The following ANKRD30B variants were observed in gnomAD, a reference collection of about 807,000 sequenced individuals.
The protein encoded by ANKRD30B is ankyrin repeat domain-containing protein 30B.
ANKRD30B carries 144 observed loss-of-function variants against 202.2 expected under a neutral mutation model. The observed-to-expected ratio is 0.71, with a 90% CI of 0.62 to 0.82. The LOEUF is 0.82. ANKRD30B is among the 40% of genes least tolerant of loss of function. The pLI, the probability that ANKRD30B is intolerant of heterozygous loss-of-function variation, is 0.00. For synonymous variants in ANKRD30B, 508 were observed against 561.3 expected (o/e 0.91, Z 1.34); for missense variants, 1,487 against 1,669.1 (o/e 0.89, Z 1.90).
chr18:14,791,537 T>G (rs1410283946), intron 16 of ANKRD30B, 46 bp downstream of exon 16: 2 of 1,442,594 alleles, frequency 1.4e-6, no homozygotes, highest in South Asian at 2.4e-5. Context: ...CAAATATTTA[T>G]CTAAACTGAT....
At chr18:14,868,290 G>T in the ANKRD30B span, among the ~76,000 whole-genome samples, 7 of 152,304 alleles carry the variant, frequency 4.6e-5, no homozygotes, top group African/African-American at 1.7e-4. Context: ...TGGTGGAGGT[G>T]CAGCCAGGGC....
chr18:14,891,812 A>G, the ANKRD30B span, among the ~76,000 whole-genome samples: 1 of 152,262 alleles, frequency 6.6e-6, no homozygotes, highest in Admixed American at 6.5e-5. Flanking sequence ...TTTGGTAACT[A>G]CAGCTTCATT....
chr18:14,914,587 A>G, the ANKRD30B span, among the ~76,000 whole-genome samples: 1 of 152,234 alleles, frequency 6.6e-6, no homozygotes, highest in Non-Finnish European at 1.5e-5. Flanking sequence ...GTGGAGACAG[A>G]GAGAAACGCA....
At chr18:14,820,016 G>C (rs1467919847) in intron 30 of ANKRD30B, among the ~76,000 whole-genome samples, 1 of 151,946 alleles carries the variant, frequency 6.6e-6, no homozygotes, top group African/African-American at 2.4e-5. Context: ...TCTTCCATTT[G>C]TTTTATCCTC....
chr18:14,809,424 T>G (rs35858318), intron 26 of ANKRD30B, among the ~76,000 whole-genome samples: 1 of 150,830 alleles, frequency 6.6e-6, no homozygotes, highest in Non-Finnish European at 1.5e-5. Flanking sequence ...GCTAGACAAC[T>G]GGTTAGACCA....
chr18:14,901,794 G>C, the ANKRD30B span, among the ~76,000 whole-genome samples: 1 of 152,150 alleles, frequency 6.6e-6, no homozygotes, highest in Non-Finnish European at 1.5e-5. Flanking sequence ...CCAAAGCTTT[G>C]ATTGAGATGT....
chr18:14,837,077 T>G (rs1971207692), intron 34 of ANKRD30B, 134 bp from the exon 35 acceptor site: 2 of 590,532 alleles, frequency 3.4e-6, no homozygotes, highest in Non-Finnish European at 6.1e-6. Context: ...GCCTATGATT[T>G]GACAGATACA....
intron 12 of ANKRD30B, among the ~76,000 whole-genome samples, chr18:14,783,035 G>A (rs1348633480): frequency 6.6e-6 from 1 of 152,016 alleles, no homozygotes; most frequent in East Asian, 1.9e-4. Context: ...ATGATCTTCT[G>A]GTCCCAAAAC....
the ANKRD30B span, among the ~76,000 whole-genome samples, chr18:14,884,987 A>G: frequency 6.6e-6 from 1 of 152,112 alleles, no homozygotes; most frequent in South Asian, 2.1e-4. Context: ...ATGAAGTTTT[A>G]ATGAGCTATT....
chr18:14,882,336 ATTTCCATCGTGATTTCG>A, the ANKRD30B span, among the ~76,000 whole-genome samples: 24 of 152,276 alleles, frequency 1.6e-4, no homozygotes, highest in Non-Finnish European at 2.8e-4. Flanking sequence ...AATTTTTTAC[ATTTCCATCGTGATTTCG>A]TTTTTCACCC....
intron 5 of ANKRD30B, among the ~76,000 whole-genome samples, chr18:14,759,900 T>A (rs188922938): frequency 2.0e-3 from 311 of 152,268 alleles, no homozygotes; most frequent in East Asian, 8.7e-3. Flanking sequence ...ACACTTTTTT[T>A]AAAAAAATTA....
chr18:14,928,853 T>C, the ANKRD30B span, among the ~76,000 whole-genome samples: 5 of 152,214 alleles, frequency 3.3e-5, no homozygotes, highest in Non-Finnish European at 7.3e-5. Context: ...AGTGGGGCCA[T>C]TCATTGTTTC....
Position 14,757,821 on chromosome 18 carries a change from C to T in ANKRD30B, c.624C>T (p.Ala208=). 6.2e-7 allele frequency: 1 copy of T among 1,613,142 alleles called. No individual in the cohort carries two copies. The highest frequency in any genetic ancestry group is 8.5e-7 in the Non-Finnish European group (1 of 1,179,680). Residue 208 remains alanine (A), a synonymous_variant, in exon 5 of 44, where the codon GCC becomes GCT. Transcript: ENST00000690538. ...TATCTCTTTGTTATTTTAGCACAGC[C>T]CTCATGCTTGCCATATGTGAAGGCT... is the stretch of plus-strand genomic sequence containing the variant. The part of the protein sequence containing the change: ...ANAFNESKCT[A]LMLAICEGSS...
chr18:14,825,485 G>T (rs2144132133), intron 32 of ANKRD30B, among the ~76,000 whole-genome samples: 1 of 151,970 alleles, frequency 6.6e-6, no homozygotes, highest in South Asian at 2.1e-4. Context: ...TCAAACTTTT[G>T]TCTTAGGACC....
chr18:14,760,679 A>T, intron 6 of ANKRD30B, 61 bp downstream of exon 6: 1 of 1,254,228 alleles, frequency 8.0e-7, no homozygotes, highest in Non-Finnish European at 1.1e-6. Flanking sequence ...GGAAGTGCTG[A>T]TCACAAAAAA....
intron 32 of ANKRD30B, among the ~76,000 whole-genome samples, chr18:14,825,409 A>G (rs1451120459): frequency 3.3e-5 from 5 of 152,190 alleles, no homozygotes; most frequent in African/African-American, 1.2e-4. Flanking sequence ...CTGTTGAGTA[A>G]ACATCACTAG....
At chr18:14,795,009 G>A (rs930303992) in intron 16 of ANKRD30B, among the ~76,000 whole-genome samples, 1 of 152,156 alleles carries the variant, frequency 6.6e-6, no homozygotes, top group Non-Finnish European at 1.5e-5. Context: ...TTTCATAACA[G>A]TGGCTTAACA....
At chr18:14,790,912 A>G (rs1364687518) in intron 15 of ANKRD30B, among the ~76,000 whole-genome samples, 1 of 152,190 alleles carries the variant, frequency 6.6e-6, no homozygotes, top group Non-Finnish European at 1.5e-5. Flanking sequence ...TCATAAAATG[A>G]GTTAGGGAGG....
chr18:14,828,180 T>A, intron 32 of ANKRD30B, 98 bp from the exon 33 acceptor site: 1 of 883,050 alleles, frequency 1.1e-6, no homozygotes, highest in Non-Finnish European at 1.8e-6. Context: ...GTAGCTGGGA[T>A]TACAGGCATG....
Sources: gnomAD v4.1 joint callset for allele counts (sites outside exome capture counted in the v4.1 genomes callset) on GRCh38, gnomAD v4.1.1 for gene constraint, MANE v1.5 for transcripts, NCBI Gene and HGNC (gene_info 2026-07-23, HGNC 2026-07-21) for gene names.